The following LEPR variants were observed in gnomAD, a reference collection of about 807,000 sequenced individuals.
LEPR encodes leptin receptor.
Under a neutral mutation model 114.7 loss-of-function variants are expected in LEPR, and 56 were observed. That is an observed-to-expected ratio of 0.49 (90% CI 0.39 to 0.61). The LOEUF (loss-of-function observed/expected upper bound fraction) is 0.61, where lower values mean the gene tolerates loss of function less well. LEPR is among the 20% of genes least tolerant of loss of function. The pLI is 0.00. For synonymous variants in LEPR, 443 were observed against 461.4 expected (o/e 0.96, Z 0.51); for missense variants, 1,202 against 1,352.9 (o/e 0.89, Z 1.75).
intron 2 of LEPR, among the ~76,000 whole-genome samples, chr1:65,554,851 G>C (rs189679733): frequency 3.3e-5 from 5 of 152,128 alleles, no homozygotes; most frequent in African/African-American, 1.2e-4. Context: ...GTAGGCACCC[G>C]AGGGAATCTC....
intron 2 of LEPR, among the ~76,000 whole-genome samples, chr1:65,549,775 G>A (rs1426725976): frequency 6.6e-6 from 1 of 152,040 alleles, no homozygotes; most frequent in Admixed American, 6.6e-5. Context: ...CCTGTAGCTC[G>A]GAGTAGTTTG....
intron 2 of LEPR, among the ~76,000 whole-genome samples, chr1:65,512,026 T>C (rs369623314): frequency 3.3e-5 from 5 of 152,154 alleles, no homozygotes; most frequent in African/African-American, 9.7e-5. Flanking sequence ...CTTCCAATCA[T>C]GGCAGAAGGC....
chr1:65,596,684 AT>A, intron 7 of LEPR, 91 bp downstream of exon 7: 1 of 1,128,818 alleles, frequency 8.9e-7, no homozygotes. Flanking sequence ...CATACTAAAT[AT>A]ATACATTTCT....
At chr1:65,605,821 G>C (rs1656771976) in intron 11 of LEPR, among the ~76,000 whole-genome samples, 1 of 152,174 alleles carries the variant, frequency 6.6e-6, no homozygotes, top group Non-Finnish European at 1.5e-5. Context: ...GGTTCATTGT[G>C]AAATCTCTGA....
intron 2 of LEPR, among the ~76,000 whole-genome samples, chr1:65,540,666 A>C (rs1310787610): frequency 1.3e-5 from 2 of 152,164 alleles, no homozygotes; most frequent in Non-Finnish European, 2.9e-5. Flanking sequence ...CCAGTCTCAG[A>C]TATTCCTTTT....
intron 2 of LEPR, among the ~76,000 whole-genome samples, chr1:65,557,468 G>T (rs923675529): frequency 9.2e-5 from 14 of 152,078 alleles, no homozygotes; most frequent in Non-Finnish European, 2.1e-4. Flanking sequence ...CATCCAGGCT[G>T]GAGTGCAGTG....
rs114513458 is a variant in LEPR at position 65,457,216 on chromosome 1, C to T, written c.-21+31838C>T. On this transcript the variant is annotated intron_variant, in intron 2 of 19. Transcript: ENST00000349533. Reference sequence around the variant, plus strand: ...ATACATAAGCATATATAACCTAATACGTTATTGCTATTACTATTTTGAAAA... The same window carrying T: ...ATACATAAGCATATATAACCTAATATGTTATTGCTATTACTATTTTGAAAA... 5.0e-3 allele frequency among the ~76,000 whole-genome samples: 765 copies of T among 152,156 alleles called. 8 individuals carry two copies. The highest frequency in any genetic ancestry group is 0.018 in the African/African-American group (737 of 41,492).
intron 2 of LEPR, among the ~76,000 whole-genome samples, chr1:65,437,488 A>G (rs1646580028): frequency 6.6e-6 from 1 of 152,012 alleles, no homozygotes; most frequent in Admixed American, 6.5e-5. Context: ...TGAATCTTGA[A>G]GACAATATGT....
intron 2 of LEPR, among the ~76,000 whole-genome samples, chr1:65,548,824 G>T (rs566601807): frequency 6.6e-6 from 1 of 152,116 alleles, no homozygotes; most frequent in African/African-American, 2.4e-5. Flanking sequence ...AGTTAATATC[G>T]TTATGTGTGA....
chr1:65,507,445 G>T (rs1010527715), intron 2 of LEPR, among the ~76,000 whole-genome samples: 1 of 129,630 alleles, frequency 7.7e-6, no homozygotes, highest in African/African-American at 2.6e-5. Flanking sequence ...CATTGTGTGT[G>T]TGTGTGTGTG....
At chr1:65,431,857 AC>A (rs1646489661) in intron 2 of LEPR, 1 of 1,614,000 alleles carries the variant, frequency 6.2e-7, no homozygotes, top group African/African-American at 1.3e-5. Context: ...CATTTTCCTT[AC>A]AATTCAAGGG....
Position 65,620,034 on chromosome 1 carries a change from T to C in LEPR, c.2491+11T>C. The C allele has an allele frequency of 1.9e-6, 3 of 1,593,144 alleles. No individual in the cohort carries two copies. Among genetic ancestry groups the C allele is most frequent in the Non-Finnish European group, 1.7e-6 (2 of 1,161,988 alleles). On this transcript the variant is annotated intron_variant, in intron 17 of 19. Transcript: ENST00000349533. Reference sequence around the variant, plus strand: ...ATAGTTTCACTCAAGGTAAAAATTATAATTTTAGTTTCCTTTTACACCAAT... The same window carrying C: ...ATAGTTTCACTCAAGGTAAAAATTACAATTTTAGTTTCCTTTTACACCAAT...
chr1:65,587,162 G>A (rs543028742), intron 5 of LEPR, among the ~76,000 whole-genome samples: 194 of 151,980 alleles, frequency 1.3e-3, no homozygotes, highest in Middle Eastern at 6.8e-3. Context: ...GAATATATTT[G>A]TTGTTTTGTG....
Position 65,592,846 on chromosome 1 carries a change from A to G in LEPR, c.684A>G (p.Ser228=). 1.2e-6 allele frequency: 2 copies of G among 1,613,116 alleles called. No homozygotes were observed. ...GGVIFQSPLM[S]VQPINMVKPD... ...TAATTTTCCAGTCACCTCTAATGTC[A>G]GTTCAGCCCATAAATATGGGTAAGT... Residue 228 remains serine, a synonymous_variant, in exon 6 of 20, where the codon TCA becomes TCG. Transcript: ENST00000349533.
chr1:65,483,683 C>T (rs1647331064), intron 2 of LEPR, among the ~76,000 whole-genome samples: 1 of 152,144 alleles, frequency 6.6e-6, no homozygotes, highest in African/African-American at 2.4e-5. Flanking sequence ...ATCCTCAGTC[C>T]TTGGAAGTAT....
chr1:65,438,327 A>AGGTG (rs1459871915), intron 2 of LEPR, among the ~76,000 whole-genome samples: 1 of 151,824 alleles, frequency 6.6e-6, no homozygotes, highest in South Asian at 2.1e-4. Flanking sequence ...CGAGGTGGGC[A>AGGTG]GATTACGAGG....
At chr1:65,548,927 G>A (rs1652026942) in intron 2 of LEPR, among the ~76,000 whole-genome samples, 1 of 152,220 alleles carries the variant, frequency 6.6e-6, no homozygotes, top group African/African-American at 2.4e-5. Context: ...AATTTGGCAT[G>A]ATTTTGCAGT....
At chr1:65,549,885 C>G (rs571067095) in intron 2 of LEPR, among the ~76,000 whole-genome samples, 1 of 152,190 alleles carries the variant, frequency 6.6e-6, no homozygotes, top group Non-Finnish European at 1.5e-5. Context: ...GGAGGAGAGG[C>G]GCTCTGCTTT....
rs191718094 is a variant in LEPR at position 65,590,587 on chromosome 1, A to G, written c.495-2070A>G. 1.0e-3 allele frequency among the ~76,000 whole-genome samples: 139 copies of G among 135,688 alleles called. 1 individual carries two copies. Among genetic ancestry groups the G allele is most frequent in the East Asian group, 9.0e-3 (32 of 3,554 alleles). The allele number at this position is 135,688 out of a possible 152,430, so 89.0% of individuals were successfully genotyped here. On this transcript the variant is annotated intron_variant, in intron 5 of 19. Transcript: ENST00000349533. ...TCACTCTGTACTTCTTGCTGCCACC[A>G]TGTTTGCATGTCCTTCCACCATGAT... is the stretch of plus-strand genomic sequence containing the variant.
Sources: gnomAD v4.1 joint callset for allele counts (sites outside exome capture counted in the v4.1 genomes callset) on GRCh38, gnomAD v4.1.1 for gene constraint, MANE v1.5 for transcripts, NCBI Gene and HGNC (gene_info 2026-07-23, HGNC 2026-07-21) for gene names.